Variants in SNRPN observed in about 807,000 individuals in gnomAD.
SNRPN encodes small nuclear ribonucleoprotein-associated protein N.
In SNRPN, 7 loss-of-function variants were observed where a neutral mutation model predicts 25.2. That is an observed-to-expected ratio of 0.28 (90% CI 0.16 to 0.52). The LOEUF (loss-of-function observed/expected upper bound fraction) is 0.52. Among genes scored for constraint, SNRPN ranks in the 20% least tolerant of loss-of-function variants. The pLI is 0.96. For missense variants in SNRPN, 196 were observed against 322.5 expected (o/e 0.61, Z 3.00); for synonymous variants, 124 against 110.6 (o/e 1.12, Z -0.76).
intron 3 of SNRPN, among the ~76,000 whole-genome samples, chr15:24,940,398 G>A (rs1301308698): frequency 1.3e-5 from 2 of 152,170 alleles, no homozygotes; most frequent in African/African-American, 2.4e-5. Flanking sequence ...GTAAGGAAAG[G>A]GTCCAACTTC....
At chr15:24,904,543 T>A in intron 2 of SNRPN, among the ~76,000 whole-genome samples, 1 of 151,796 alleles carries the variant, frequency 6.6e-6, no homozygotes, top group East Asian at 1.9e-4. Context: ...TAATCCCAGC[T>A]ACTCAGGAGG....
In SNRPN at chr15:24,929,694, C is replaced by G. The variant is rs920030373; in HGVS notation, c.-391+9570C>G. ...TAAAAAGGCATAAACACATTTTCTT[C>G]CAAGTGGAGTCCAGCATATTTTATT... On this transcript the variant is annotated intron_variant, in intron 3 of 11. Transcript: ENST00000400097. This position sits in a 1 kb window ranked among gnomAD's most constrained non-coding sequence, Gnocchi z 5.3. Among the ~76,000 whole-genome samples the G allele has an allele frequency of 1.4e-4, 22 of 152,260 alleles. No homozygotes were observed. Among genetic ancestry groups the G allele is most frequent in the African/African-American group, 5.3e-4 (22 of 41,558 alleles).
At chr15:24,921,504 G>A (rs1056899468) in intron 3 of SNRPN, among the ~76,000 whole-genome samples, 2 of 152,150 alleles carry the variant, frequency 1.3e-5, no homozygotes, top group African/African-American at 4.8e-5. Flanking sequence ...AAGGCATGGG[G>A]GTTAGTTGTA....
intron 1 of SNRPN, among the ~76,000 whole-genome samples, chr15:24,865,543 C>T (rs1386661945): frequency 6.6e-6 from 1 of 152,106 alleles, no homozygotes; most frequent in Admixed American, 6.5e-5. Context: ...GGAACAGAGG[C>T]TGGAGTTAGC....
intron 3 of SNRPN, among the ~76,000 whole-genome samples, chr15:24,932,329 G>A (rs1161467635): frequency 1.3e-5 from 2 of 152,048 alleles, no homozygotes; most frequent in Non-Finnish European, 2.9e-5. Flanking sequence ...CCGCCTCCTG[G>A]GTTCAAGTGA....
Position 24,872,633 on chromosome 15 carries a change from C to G in SNRPN, c.-578-13883C>G, listed in dbSNP as rs1381683741. 8.9e-5 allele frequency among the ~76,000 whole-genome samples: 10 copies of G among 112,126 alleles called. 1 individual carries two copies. Among genetic ancestry groups the G allele is most frequent in the African/African-American group, 3.1e-4 (10 of 32,492 alleles). The allele number at this position is 112,126 out of a possible 152,430, so 73.6% of individuals were successfully genotyped here. A position where few individuals can be genotyped will look rare whatever the true frequency, so the allele number is the denominator to read the frequency against. On this transcript the variant is annotated intron_variant, in intron 1 of 11. Transcript: ENST00000400097. ...TGATGAAACATGCCTGTAATCCCACCTACTTGGCAGGCTGAGACAGCAGAA... is the reference window on the plus strand; with the variant it reads ...TGATGAAACATGCCTGTAATCCCACGTACTTGGCAGGCTGAGACAGCAGAA...
intron 1 of SNRPN, among the ~76,000 whole-genome samples, chr15:24,885,883 A>G (rs1323807915): frequency 6.6e-6 from 1 of 152,170 alleles, no homozygotes; most frequent in Non-Finnish European, 1.5e-5. Context: ...TATTTTTCAT[A>G]TACATTTCAA....
chr15:24,845,648 A>G (rs564185781), intron 2 of SNRPN, among the ~76,000 whole-genome samples: 1 of 152,134 alleles, frequency 6.6e-6, no homozygotes, highest in Admixed American at 6.6e-5. Flanking sequence ...GAGTCCCCCA[A>G]TATTGTCCCT....
In SNRPN at chr15:24,893,426, G is replaced by T. The variant is rs545530671; in HGVS notation, c.-505+6837G>T. 2.0e-5 allele frequency among the ~76,000 whole-genome samples: 3 copies of T among 151,970 alleles called. No individual in the cohort carries two copies. The South Asian group carries it at 6.3e-4, about 32-fold the overall frequency. ...GAGCCCAGGAGTTCCACACCAGCCTGGGCAACGTATTGAGACCTCATCTTT... is the reference window on the plus strand; with the variant it reads ...GAGCCCAGGAGTTCCACACCAGCCTTGGCAACGTATTGAGACCTCATCTTT... On this transcript the variant is annotated intron_variant, in intron 2 of 11. Coordinates refer to the SNRPN transcript ENST00000400097.
At chr15:24,889,559 C>A (rs1023867396) in intron 2 of SNRPN, among the ~76,000 whole-genome samples, 10 of 151,344 alleles carry the variant, frequency 6.6e-5, no homozygotes, top group African/African-American at 2.4e-4. Flanking sequence ...CCCGCCTCGG[C>A]CTCCCAAAGT....
At chr15:24,934,701 G>A (rs1363629460) in intron 3 of SNRPN, among the ~76,000 whole-genome samples, 1 of 152,154 alleles carries the variant, frequency 6.6e-6, no homozygotes, top group African/African-American at 2.4e-5. Flanking sequence ...AAGCAGAGGC[G>A]TGTGCCTCCG....
chr15:24,936,654 T>C lies in SNRPN; in HGVS notation c.-391+16530T>C, dbSNP rs1192501168. On this transcript the variant is annotated intron_variant, in intron 3 of 11. Transcript: ENST00000400097. The stretch of plus-strand genomic sequence containing the variant: ...AAGGCAGAGGGGAGTCAGGCACATC[T>C]TTACATGGCAGAAGCAGGAGAGAGA... Among the ~76,000 whole-genome samples the C allele has an allele frequency of 2.6e-5, 4 of 152,210 alleles. No individual in the cohort carries two copies. In the East Asian group the frequency reaches 7.7e-4, roughly 29 times the overall value.
intron 2 of SNRPN, among the ~76,000 whole-genome samples, chr15:24,894,471 G>A (rs568669194): frequency 1.5e-4 from 23 of 152,104 alleles, no homozygotes; most frequent in African/African-American, 5.3e-4. Flanking sequence ...CGCCCGCCTC[G>A]GCCTCCCAAA....
At chr15:24,825,350 A>C (rs956363501) in intron 1 of SNRPN, among the ~76,000 whole-genome samples, 1 of 151,964 alleles carries the variant, frequency 6.6e-6, no homozygotes, top group African/African-American at 2.4e-5. Context: ...TTATGTAATG[A>C]AGGACAAGGG....
intron 2 of SNRPN, among the ~76,000 whole-genome samples, chr15:24,910,631 A>G (rs2059152493): frequency 1.3e-5 from 2 of 151,954 alleles, no homozygotes; most frequent in Admixed American, 1.3e-4. Flanking sequence ...AGCAGCTGGG[A>G]TTACAGGCGC....
At chr15:24,858,791 ACT>A (rs1218735717) in intron 1 of SNRPN, among the ~76,000 whole-genome samples, 1 of 151,778 alleles carries the variant, frequency 6.6e-6, no homozygotes, top group Non-Finnish European at 1.5e-5. Context: ...ACAGAGAAAG[ACT>A]CTGTGGGGTA....
intron 3 of SNRPN, among the ~76,000 whole-genome samples, chr15:24,933,732 C>A (rs2061039251): frequency 6.6e-6 from 1 of 152,182 alleles, no homozygotes; most frequent in East Asian, 1.9e-4. Flanking sequence ...GAAGAGGAGA[C>A]AAGGTGTGGG....
intron 3 of SNRPN, among the ~76,000 whole-genome samples, chr15:24,933,116 G>A (rs145920358): frequency 3.3e-5 from 5 of 152,198 alleles, no homozygotes; most frequent in South Asian, 2.1e-4. Flanking sequence ...AAAATTAGCC[G>A]GGCTTGGAGG....
Position 24,977,878 on chromosome 15 carries a change from C to T in SNRPN, c.521C>T (p.Thr174Ile). 6.3e-7 allele frequency: 1 copy of T among 1,599,824 alleles called. No individual in the cohort carries two copies. Among genetic ancestry groups the T allele is most frequent in the Non-Finnish European group, 8.5e-7 (1 of 1,172,784 alleles). The part of the protein sequence containing the change: ...APTQYPPGRG[T>I]PPPPVGRATP... ...ACACAGTACCCACCAGGACGGGGCA[C>T]TCCGCCCCCACCCGTCGGCAGAGCA... Residue 174 changes from threonine to isoleucine, a missense_variant, in exon 8 of 10, where the codon ACT becomes ATT. Physicochemically the swap from Thr to Ile is moderately conservative, Grantham distance 89. Transcript: ENST00000390687.
Sources: gnomAD v4.1 joint callset for allele counts (sites outside exome capture counted in the v4.1 genomes callset) on GRCh38, gnomAD v4.1.1 for gene constraint, Gnocchi (gnomAD v3.1) non-coding constraint, MANE v1.5 for transcripts, NCBI Gene and HGNC (gene_info 2026-07-23, HGNC 2026-07-21) for gene names.